Variants in PRR16 observed in about 807,000 individuals in gnomAD.
The protein encoded by PRR16 is proline rich 16, also known as protein Largen.
In PRR16, 6 loss-of-function variants were observed where a neutral mutation model predicts 18.2. The ratio of observed to expected loss-of-function variants is 0.33; its 90% CI spans 0.18 to 0.65. The LOEUF is 0.65. Ranked by LOEUF, PRR16 falls within the 30% of genes least tolerant of loss-of-function variation. The pLI, the probability that PRR16 is intolerant of heterozygous loss-of-function variation, is 0.74. For synonymous variants in PRR16, 151 were observed against 147.8 expected (o/e 1.02, Z -0.16); for missense variants, 412 against 376.6 (o/e 1.09, Z -0.78).
In PRR16 at chr5:120,527,417, G is replaced by T. The variant is rs543619284; in HGVS notation, c.159+62772G>T. On this transcript the variant is annotated intron_variant, in intron 1 of 1. Transcript: ENST00000407149. ...CTTATGGGCTGCACAAAACCAGGTG[G>T]CAGGCCTGATTTGGCACACAGCTGT... Among the ~76,000 whole-genome samples, 71 of 152,272 alleles carry T rather than the reference G, an allele frequency of 4.7e-4. 1 individual carries two copies. Among genetic ancestry groups the T allele is most frequent in the African/African-American group, 1.7e-3 (70 of 41,552 alleles).
intron 1 of PRR16, among the ~76,000 whole-genome samples, chr5:120,547,937 G>GA (rs973106536): frequency 1.3e-5 from 2 of 151,476 alleles, no homozygotes; most frequent in East Asian, 1.9e-4. Flanking sequence ...TTAGCAATAT[G>GA]AAAAAAAAGC....
At chr5:120,774,029 G>C in the PRR16 span, among the ~76,000 whole-genome samples, 2 of 151,406 alleles carry the variant, frequency 1.3e-5, no homozygotes, top group African/African-American at 4.9e-5. Flanking sequence ...ACTGCAAATG[G>C]TAGTATTACT....
intron 1 of PRR16, among the ~76,000 whole-genome samples, chr5:120,471,491 T>A (rs898446680): frequency 2.6e-5 from 4 of 152,110 alleles, no homozygotes; most frequent in Non-Finnish European, 5.9e-5. Flanking sequence ...CTATGACTGA[T>A]GAATTAGAGA....
the PRR16 span, among the ~76,000 whole-genome samples, chr5:120,713,393 G>C: frequency 2.2e-4 from 33 of 151,990 alleles, no homozygotes; most frequent in Admixed American, 7.2e-4. Context: ...GACTAATCCA[G>C]ACAAGTTTTC....
intron 1 of PRR16, among the ~76,000 whole-genome samples, chr5:120,607,701 C>T (rs1754198588): frequency 6.6e-6 from 1 of 151,942 alleles, no homozygotes; most frequent in Non-Finnish European, 1.5e-5. Flanking sequence ...TTTTTACTAA[C>T]TTGAAAAAAA....
intron 1 of PRR16, among the ~76,000 whole-genome samples, chr5:120,512,618 A>C (rs60693875): frequency 0.064 from 9,814 of 152,244 alleles, 708 homozygotes; most frequent in African/African-American, 0.18. Context: ...AAGATCTAAG[A>C]TATCTAATTA....
At chr5:120,641,856 C>G (rs1452503824) in intron 1 of PRR16, among the ~76,000 whole-genome samples, 1 of 152,092 alleles carries the variant, frequency 6.6e-6, no homozygotes, top group Non-Finnish European at 1.5e-5. Flanking sequence ...AGATATTTAT[C>G]TGGATGTCCT....
the PRR16 span, among the ~76,000 whole-genome samples, chr5:120,716,584 TG>T: frequency 6.6e-6 from 1 of 152,094 alleles, no homozygotes; most frequent in Non-Finnish European, 1.5e-5. Flanking sequence ...GCTTAACACA[TG>T]GTCCTTGGGG....
chr5:120,657,127 A>G (rs1296127486), intron 1 of PRR16, among the ~76,000 whole-genome samples: 1 of 151,978 alleles, frequency 6.6e-6, no homozygotes, highest in African/African-American at 2.4e-5. Context: ...CTGAGTTCTT[A>G]GTATAGTTCA....
intron 1 of PRR16, among the ~76,000 whole-genome samples, chr5:120,680,948 A>G (rs1032649619): frequency 2.0e-5 from 3 of 152,158 alleles, no homozygotes; most frequent in African/African-American, 4.8e-5. Flanking sequence ...TATAGATACT[A>G]TATGTTGCTT....
chr5:120,759,051 A>G, the PRR16 span, among the ~76,000 whole-genome samples: 1 of 138,490 alleles, frequency 7.2e-6, no homozygotes, highest in East Asian at 2.1e-4. Flanking sequence ...ATCTCAGCTC[A>G]CTGCAAGCTC....
intron 1 of PRR16, among the ~76,000 whole-genome samples, chr5:120,503,809 TC>T (rs1750549484): frequency 6.7e-6 from 1 of 149,254 alleles, no homozygotes; most frequent in Admixed American, 6.7e-5. Context: ...CCCACAACAG[TC>T]CCCAGAGTGT....
chr5:120,485,840 C>T (rs1213945814), intron 1 of PRR16, among the ~76,000 whole-genome samples: 1 of 152,138 alleles, frequency 6.6e-6, no homozygotes, highest in Non-Finnish European at 1.5e-5. Context: ...TGATGTTCCC[C>T]TTCCTGTGTC....
At chr5:120,710,884 T>C in the PRR16 span, 1 of 152,156 alleles carries the variant, frequency 6.6e-6, no homozygotes, top group East Asian at 1.9e-4. Context: ...TAAAATGGGT[T>C]TCACTGGACT....
At chr5:120,792,969 A>G in the PRR16 span, among the ~76,000 whole-genome samples, 1 of 149,020 alleles carries the variant, frequency 6.7e-6, no homozygotes, top group African/African-American at 2.4e-5. Context: ...CCTGGACAAC[A>G]TGGTGAAATC....
At chr5:120,553,089 G>A (rs1752304746) in intron 1 of PRR16, among the ~76,000 whole-genome samples, 2 of 151,638 alleles carry the variant, frequency 1.3e-5, no homozygotes, top group Non-Finnish European at 2.9e-5. Flanking sequence ...GTATATAAAG[G>A]TTAGTATTCT....
chr5:120,500,310 T>C (rs1466849256), intron 1 of PRR16, among the ~76,000 whole-genome samples: 1 of 152,170 alleles, frequency 6.6e-6, no homozygotes, highest in East Asian at 1.9e-4. Flanking sequence ...ACTCACCATC[T>C]CTTTTTTTTG....
intron 1 of PRR16, among the ~76,000 whole-genome samples, chr5:120,657,799 A>G (rs1756034108): frequency 6.6e-6 from 1 of 151,964 alleles, no homozygotes; most frequent in Non-Finnish European, 1.5e-5. Context: ...ATGTGAACGC[A>G]TGTTCCCCCA....
At chr5:120,691,266 T>C (rs1757205798), downstream of PRR16, among the ~76,000 whole-genome samples, 1 of 152,166 alleles carries the variant, frequency 6.6e-6, no homozygotes, top group African/African-American at 2.4e-5. Flanking sequence ...TCGTAAATCT[T>C]TCCTTTATTC....
Sources: allele counts gnomAD v4.1 joint callset (sites outside exome capture counted in the v4.1 genomes callset), GRCh38; gene constraint gnomAD v4.1.1; transcripts MANE v1.5; gene names NCBI Gene and HGNC (gene_info 2026-07-23, HGNC 2026-07-21).